DOCK9: variants seen among roughly 807,000 people sequenced by gnomAD.
The protein encoded by DOCK9 is dedicator of cytokinesis 9.
In DOCK9, 89 loss-of-function variants were observed where a neutral mutation model predicts 263.3. The ratio of observed to expected loss-of-function variants is 0.34; its 90% CI spans 0.28 to 0.40. DOCK9 has a LOEUF of 0.40. Ranked by LOEUF, DOCK9 falls within the 10% of genes least tolerant of loss-of-function variation. The probability of loss-of-function intolerance (pLI) is 1.00; values close to 1 mark genes in which losing one functional copy is unlikely to be tolerated. For synonymous variants in DOCK9, 976 were observed against 973.1 expected (o/e 1.00, Z -0.06); for missense variants, 2,140 against 2,603.4 (o/e 0.82, Z 3.87).
intron 2 of DOCK9, among the ~76,000 whole-genome samples, chr13:98,947,871 A>T (rs1193843049): frequency 6.6e-6 from 1 of 152,162 alleles, no homozygotes; most frequent in Non-Finnish European, 1.5e-5. Flanking sequence ...ATATCCCACA[A>T]ACCACAATGT....
intron 1 of DOCK9, among the ~76,000 whole-genome samples, chr13:99,033,932 G>T (rs1294420426): frequency 5.9e-5 from 9 of 152,196 alleles, no homozygotes; most frequent in African/African-American, 1.9e-4. Context: ...ACTTCAGGGG[G>T]TCTGTGACAT....
intron 1 of DOCK9, among the ~76,000 whole-genome samples, chr13:99,049,026 G>A (rs1483165698): frequency 1.3e-5 from 2 of 152,172 alleles, no homozygotes; most frequent in Non-Finnish European, 2.9e-5. Flanking sequence ...GTATGGCTAA[G>A]AATGGAAAGA....
intron 34 of DOCK9, among the ~76,000 whole-genome samples, chr13:98,855,115 T>A (rs552514955): frequency 6.6e-6 from 1 of 152,292 alleles, no homozygotes; most frequent in African/African-American, 2.4e-5. Context: ...GAAAAAAGGC[T>A]AAGTATGAGG....
At chr13:98,918,564 C>T (rs1408435792) in intron 7 of DOCK9, among the ~76,000 whole-genome samples, 8 of 152,070 alleles carry the variant, frequency 5.3e-5, no homozygotes, top group African/African-American at 9.7e-5. Flanking sequence ...ACAGGGATTT[C>T]GAATAACATC....
At chr13:98,796,308 G>A in intron 52 of DOCK9, 1 of 1,025,468 alleles carries the variant, frequency 9.8e-7, no homozygotes. Flanking sequence ...TAACTAAACT[G>A]TCAGGGGATA....
At chr13:98,849,266 G>A (rs866623325) in intron 36 of DOCK9, among the ~76,000 whole-genome samples, 3 of 152,146 alleles carry the variant, frequency 2.0e-5, no homozygotes, top group South Asian at 2.1e-4. Flanking sequence ...CAGGCCCACA[G>A]TCTCTCATCT....
chr13:98,813,042 C>CTA (rs1194116285), intron 45 of DOCK9, among the ~76,000 whole-genome samples: 2 of 152,142 alleles, frequency 1.3e-5, no homozygotes, highest in Admixed American at 1.3e-4. Flanking sequence ...TAATCATGAA[C>CTA]TATACAGTAA....
intron 21 of DOCK9, among the ~76,000 whole-genome samples, chr13:98,884,689 C>T (rs537287658): frequency 2.6e-5 from 4 of 152,256 alleles, no homozygotes; most frequent in Admixed American, 2.0e-4. Context: ...CATGGCCAGT[C>T]GGCAGAGACA....
At chr13:98,981,282 C>A (rs1877140376), upstream of DOCK9, among the ~76,000 whole-genome samples, 1 of 152,126 alleles carries the variant, frequency 6.6e-6, no homozygotes, top group South Asian at 2.1e-4. Context: ...GTCTCAAACT[C>A]CTGGGCTCAA....
chr13:98,810,918 G>T (rs1438239369), intron 45 of DOCK9, among the ~76,000 whole-genome samples: 1 of 152,172 alleles, frequency 6.6e-6, no homozygotes, highest in African/African-American at 2.4e-5. Flanking sequence ...TTGCTTCATC[G>T]TGGGTGGACA....
chr13:98,949,465 TC>T (rs1431923152), intron 2 of DOCK9, among the ~76,000 whole-genome samples: 2 of 151,974 alleles, frequency 1.3e-5, no homozygotes, highest in Non-Finnish European at 2.9e-5. Flanking sequence ...AACTCCCTCC[TC>T]CATTCCTCCA....
intron 1 of DOCK9, among the ~76,000 whole-genome samples, chr13:99,005,020 C>A (rs1237646269): frequency 6.6e-6 from 1 of 151,816 alleles, no homozygotes; most frequent in African/African-American, 2.4e-5. Context: ...CTGCTAGCAC[C>A]TTTGCTTATA....
At chr13:99,036,780 C>T (rs533758603) in intron 1 of DOCK9, among the ~76,000 whole-genome samples, 44 of 152,256 alleles carry the variant, frequency 2.9e-4, no homozygotes, top group African/African-American at 9.4e-4. Context: ...CCTCGTGATC[C>T]GCCCACCTCG....
chr13:98,800,815 T>C (rs2139951280), intron 49 of DOCK9, among the ~76,000 whole-genome samples: 2 of 152,290 alleles, frequency 1.3e-5, no homozygotes, highest in South Asian at 2.1e-4. Flanking sequence ...AAGATGACTT[T>C]GACAACATAA....
chr13:99,001,144 T>A (rs1445510247), intron 1 of DOCK9, among the ~76,000 whole-genome samples: 2 of 152,216 alleles, frequency 1.3e-5, no homozygotes, highest in African/African-American at 2.4e-5. Context: ...TCTTCTCCAC[T>A]CCCATCTACC....
At chr13:99,040,786 C>A (rs960231910) in intron 1 of DOCK9, among the ~76,000 whole-genome samples, 1 of 152,146 alleles carries the variant, frequency 6.6e-6, no homozygotes, top group African/African-American at 2.4e-5. Flanking sequence ...TTTGACCAAC[C>A]CCTTCCTGAC....
chr13:98,826,851 C>A lies in DOCK9; in HGVS notation c.5002G>T (p.Ala1668Ser). Residue 1668 changes from alanine (A) to serine (S), a missense_variant, in exon 44 of 53, where the codon GCA becomes TCA. Physicochemically the swap from Ala to Ser is moderately conservative, Grantham distance 99 (BLOSUM62 1). Around this residue, in one of 2 missense-constraint regions of DOCK9, gnomAD observed 619 missense variants for 861.8 expected, o/e 0.72. Coordinates refer to ENST00000682017, the MANE Select transcript of DOCK9 (RefSeq NM_001366683.2). ...TTACCTTTCCGTGTGAGATATTCTGCCACTAGGGCTGTTACGTGGACATAG... is the reference window on the plus strand; with the variant it reads ...TTACCTTTCCGTGTGAGATATTCTGACACTAGGGCTGTTACGTGGACATAG... ...MCYVHVTALV[A>S]EYLTRKGVFR... is the part of the protein sequence containing the mutation. 1 of 1,610,500 alleles carries A rather than the reference C, an allele frequency of 6.2e-7. No homozygotes were observed. Among genetic ancestry groups the A allele is most frequent in the South Asian group, 1.1e-5 (1 of 89,930 alleles).
In DOCK9 at chr13:98,914,309, A is replaced by C; in HGVS notation, c.960+19T>G. Reference sequence around the variant, plus strand: ...TCAACAGCATTCAACGAAGAGCAGAAGATATAAGACGATGTTACCTTGGCA... The same window carrying C: ...TCAACAGCATTCAACGAAGAGCAGACGATATAAGACGATGTTACCTTGGCA... On this transcript the variant is annotated intron_variant, in intron 9 of 52. Transcript: ENST00000682017. 6.2e-7 allele frequency: 1 copy of C among 1,600,446 alleles called. No individual in the cohort carries two copies. The highest frequency in any genetic ancestry group is 1.1e-5 in the South Asian group (1 of 88,312).
rs2052788746 is a variant in DOCK9 at position 98,925,503 on chromosome 13, A to G, written c.416+334T>C. ...CTTCAAAATATTCTTTTCAAGGAAAAAATGCACTGCAGCATATTTCAGTAC... is the reference window on the plus strand; with the variant it reads ...CTTCAAAATATTCTTTTCAAGGAAAGAATGCACTGCAGCATATTTCAGTAC... On this transcript the variant is annotated intron_variant, in intron 4 of 52. Coordinates refer to ENST00000682017, the MANE Select transcript of DOCK9 (RefSeq NM_001366683.2). Among the ~76,000 whole-genome samples the G allele has an allele frequency of 2.6e-5, 4 of 152,216 alleles. No homozygotes were observed. In the South Asian group the frequency reaches 8.3e-4, roughly 32 times the overall value.
Sources: allele counts gnomAD v4.1 joint callset (sites outside exome capture counted in the v4.1 genomes callset), GRCh38; gene constraint gnomAD v4.1.1; regional missense constraint gnomAD v4.1.1; transcripts MANE v1.5; gene names NCBI Gene and HGNC (gene_info 2026-07-23, HGNC 2026-07-21).